CCNE2: variants seen among roughly 807,000 people sequenced by gnomAD.
CCNE2 encodes the protein cyclin E2, also known as G1/S-specific cyclin-E2.
A neutral mutation model predicts 56.8 loss-of-function variants in CCNE2; 18 were observed. The observed-to-expected ratio is 0.32, with a 90% CI of 0.22 to 0.47. The LOEUF (loss-of-function observed/expected upper bound fraction) is 0.47, where lower values mean the gene tolerates loss of function less well. Ranked by LOEUF, CCNE2 falls within the 20% of genes least tolerant of loss-of-function variation. The pLI, the probability that CCNE2 is intolerant of heterozygous loss-of-function variation, is 1.00. For synonymous variants in CCNE2, 139 were observed against 149.2 expected, an observed-to-expected ratio of 0.93 and a Z score of 0.50; for missense variants, 371 against 467.1, an observed-to-expected ratio of 0.79 and a Z score of 1.90.
Position 94,882,126 on chromosome 8 carries a change from A to G in CCNE2, c.1101+6T>C. On this transcript the variant is annotated splice_donor_region_variant and intron_variant, in intron 11 of 11. Coordinates refer to ENST00000308108, the MANE Select transcript of CCNE2 (RefSeq NM_057749.3). Reference sequence around the variant, plus strand: ...GCAAAGCCAAAAAACTCACAAAAAAACATACCAGCATAGCCAAATAGTTTG... The same window carrying G: ...GCAAAGCCAAAAAACTCACAAAAAAGCATACCAGCATAGCCAAATAGTTTG... 1 of 1,591,356 alleles carries G rather than the reference A, an allele frequency of 6.3e-7. No individual in the cohort carries two copies. Among genetic ancestry groups the G allele is most frequent in the East Asian group, 2.2e-5 (1 of 44,592 alleles).
In CCNE2 at chr8:94,881,633, T is replaced by C; in HGVS notation, c.1214A>G (p.Ter405=). The C allele has an allele frequency of 8.1e-6, 13 of 1,612,886 alleles. No individual in the cohort carries two copies. The highest frequency in any genetic ancestry group is 1.0e-5 in the Non-Finnish European group (12 of 1,179,668). ...AACTTGTTTGCTTAGTTATCTTCTTTAGTGTTTTCCTGGTGGTTTTTCAGT... is the reference window on the plus strand; with the variant it reads ...AACTTGTTTGCTTAGTTATCTTCTTCAGTGTTTTCCTGGTGGTTTTTCAGT... ...KSTEKPPGKH[*] is the part of the protein sequence containing the mutation. Residue 405 remains the stop codon, a stop_retained_variant, in exon 12 of 12, where the codon TAA becomes TGA. Coordinates refer to ENST00000308108, the MANE Select transcript of CCNE2 (RefSeq NM_057749.3).
Position 94,882,828 on chromosome 8 carries a change from G to A in CCNE2, c.896C>T (p.Ala299Val). 6.2e-7 allele frequency: 1 copy of A among 1,613,906 alleles called. No homozygotes were observed. Among genetic ancestry groups the A allele is most frequent in the Non-Finnish European group, 8.5e-7 (1 of 1,179,856 alleles). ...AATGGAGGTAAAATGGCACAAGGCA[G>A]CAGCAGTCAGTATTCTGTACTGGAA... ...LEFQYRILTAAALCHFTSIEV... is the reference protein window; with the variant it reads ...LEFQYRILTAVALCHFTSIEV... The change falls in exon 10 of 12, where the codon GCT becomes GTT. Residue 299 changes from alanine to valine, a missense_variant. Coordinates refer to ENST00000308108, the MANE Select transcript of CCNE2 (RefSeq NM_057749.3).
intron 9 of CCNE2, 42 bp from the exon 10 acceptor site, chr8:94,882,934 T>G (rs777259901): frequency 7.8e-7 from 1 of 1,284,080 alleles, no homozygotes; most frequent in Non-Finnish European, 1.1e-6. Flanking sequence ...AGGAGAAAGA[T>G]GAGTACTAAA....
At chr8:94,882,018 C>T in intron 11 of CCNE2, 114 bp downstream of exon 11, 1 of 1,080,570 alleles carries the variant, frequency 9.3e-7, no homozygotes, top group East Asian at 2.4e-5. Context: ...CAGTGTGCCC[C>T]TTAGAACTTT....
Position 94,882,897 on chromosome 8 carries a change from C to T in CCNE2, c.832-5G>A, listed in dbSNP as rs747902951. Reference sequence around the variant, plus strand: ...TAGAATACACAGATCTAAAAGCTAACAGGAAAAACAAAAGTACAAGCAATT... The same window carrying T: ...TAGAATACACAGATCTAAAAGCTAATAGGAAAAACAAAAGTACAAGCAATT... On this transcript the variant is annotated splice_polypyrimidine_tract_variant and splice_region_variant and intron_variant, in intron 9 of 11. Transcript: ENST00000308108. 5 of 1,574,434 alleles carry T rather than the reference C, an allele frequency of 3.2e-6. No individual in the cohort carries two copies. In the Admixed American group the frequency reaches 5.0e-5, roughly 16 times the overall value.
chr8:94,884,933 G>T, intron 9 of CCNE2, 134 bp downstream of exon 9: 1 of 697,430 alleles, frequency 1.4e-6, no homozygotes, highest in Non-Finnish European at 2.3e-6. Context: ...AGAACTTTAT[G>T]CGTCAAAAGT....
intron 5 of CCNE2, among the ~76,000 whole-genome samples, 194 bp from the exon 6 acceptor site, chr8:94,890,744 C>T (rs1425352934): frequency 6.6e-6 from 1 of 151,854 alleles, no homozygotes; most frequent in Admixed American, 6.6e-5. Context: ...CAGGTGCCTG[C>T]CACCAAGCCT....
At position 94,889,638 on chromosome 8, in the gene CCNE2, G is replaced by C. The variant is rs563658521; in HGVS notation, c.453+777C>G. Reference sequence around the variant, plus strand: ...GCTTCTGAGATCTATTCTGCCATGTGTTCCTCCTCCAAAAAGTCTATGGTC... The same window carrying C: ...GCTTCTGAGATCTATTCTGCCATGTCTTCCTCCTCCAAAAAGTCTATGGTC... On this transcript the variant is annotated intron_variant, in intron 6 of 11. Transcript: ENST00000308108. Among the ~76,000 whole-genome samples the C allele has an allele frequency of 7.2e-5, 11 of 152,290 alleles. No individual in the cohort carries two copies. The South Asian group carries it at 2.3e-3, about 32-fold the overall frequency.
upstream of CCNE2, chr8:94,896,382 A>T (rs1296293624): frequency 6.6e-6 from 1 of 151,526 alleles, no homozygotes; most frequent in Non-Finnish European, 1.5e-5. Flanking sequence ...CTCTTCCTTT[A>T]TCCTTCCCCG....
At position 94,880,243 on chromosome 8, in the gene CCNE2, A is replaced by T. The variant is rs752360652; in HGVS notation, c.*1389T>A. On this transcript the variant is annotated 3_prime_UTR_variant, in exon 12 of 12. Transcript: ENST00000308108. Reference sequence around the variant, plus strand: ...CAAAACTTTACTTTTAAGCAGTTAAATTTTTTTAACTTTTATTTTTTAAAC... The same window carrying T: ...CAAAACTTTACTTTTAAGCAGTTAATTTTTTTTAACTTTTATTTTTTAAAC... 70 of 1,504,392 alleles carry T rather than the reference A, an allele frequency of 4.7e-5. No homozygotes were observed. The Middle Eastern group carries it at 6.9e-4, about 15-fold the overall frequency. 93.2% of individuals were successfully genotyped at this position (1,504,392 alleles called of 1,614,324 possible). A position where few individuals can be genotyped will look rare whatever the true frequency, so the allele number is the denominator to read the frequency against.
chr8:94,881,391 C>A lies in CCNE2; in HGVS notation c.*241G>T, dbSNP rs1444252993. 2 of 522,664 alleles carry A rather than the reference C, an allele frequency of 3.8e-6. No individual in the cohort carries two copies. Among genetic ancestry groups the A allele is most frequent in the Admixed American group, 3.6e-5 (1 of 27,798 alleles). 32.4% of individuals were successfully genotyped at this position (522,664 alleles called of 1,614,324 possible). On this transcript the variant is annotated 3_prime_UTR_variant, in exon 12 of 12. Transcript: ENST00000308108. ...ACTGTGGTTGGCTTCTATCCAGTAACCTTGGGAATGAAGACATCTTTGTAA... is the reference window on the plus strand; with the variant it reads ...ACTGTGGTTGGCTTCTATCCAGTAAACTTGGGAATGAAGACATCTTTGTAA...
In CCNE2 at chr8:94,893,892, C is replaced by T. The variant is rs1482389904; in HGVS notation, c.164G>A (p.Arg55Lys). The change falls in exon 4 of 12, where the codon AGG becomes AAG. Residue 55 changes from arginine to lysine, a missense_variant and splice_region_variant. Arg to Lys is a conservative substitution (Grantham distance 26). Transcript: ENST00000308108. ...CCACCCAGCCCAGTTCTGCATTACC[C>T]TAATTTCATACTGATGTTTCTTGGT... The part of the protein sequence containing the change: ...EVTKKHQYEI[R>K]NCWPPVLSGG... 3.1e-6 allele frequency: 5 copies of T among 1,613,926 alleles called. No homozygotes were observed. The highest frequency in any genetic ancestry group is 1.1e-5 in the South Asian group (1 of 91,076).
At chr8:94,896,395 T>G (rs976087028), upstream of CCNE2, 2 of 151,584 alleles carry the variant, frequency 1.3e-5, no homozygotes, top group East Asian at 3.9e-4. Flanking sequence ...CTTCCCCGGG[T>G]GTTTAAACTT....
chr8:94,891,659 C>CAAA (rs34021439), intron 5 of CCNE2: 2,066 of 260,742 alleles, frequency 7.9e-3, no homozygotes, highest in Middle Eastern at 0.013. Context: ...CCTCTGTCTC[C>CAAA]AAAAAAAAAA....
At chr8:94,886,627 G>A (rs530521618) in intron 7 of CCNE2, among the ~76,000 whole-genome samples, 9 of 152,286 alleles carry the variant, frequency 5.9e-5, no homozygotes, top group African/African-American at 7.2e-5. Context: ...CTGTAGCCTC[G>A]GAGGTCGAGG....
At chr8:94,884,869 AAGT>A (rs1816975653) in intron 9 of CCNE2, 195 bp downstream of exon 9, 1 of 460,636 alleles carries the variant, frequency 2.2e-6, no homozygotes, top group Non-Finnish European at 3.8e-6. Flanking sequence ...GTACTCAGAA[AAGT>A]GTAAGGACTT....
chr8:94,885,274 A>G, intron 8 of CCNE2, 73 bp from the exon 9 acceptor site: 1 of 1,403,562 alleles, frequency 7.1e-7, no homozygotes, highest in Admixed American at 1.7e-5. Context: ...CAGAGCTTAG[A>G]GGTTAAGTAC....
intron 7 of CCNE2, among the ~76,000 whole-genome samples, chr8:94,887,458 T>G (rs954536256): frequency 6.6e-6 from 1 of 151,734 alleles, no homozygotes; most frequent in South Asian, 2.1e-4. Flanking sequence ...AGAGCCAAGA[T>G]CGCGCCATTG....
At position 94,881,242 on chromosome 8, in the gene CCNE2, G is replaced by GT; in HGVS notation, c.*389dup. 5.7e-6 allele frequency: 2 copies of GT among 353,526 alleles called. No individual in the cohort carries two copies. Among genetic ancestry groups the GT allele is most frequent in the Non-Finnish European group, 1.0e-5 (2 of 198,904 alleles). 21.9% of individuals were successfully genotyped at this position (353,526 alleles called of 1,614,324 possible). A position where few individuals can be genotyped will look rare whatever the true frequency, so the allele number is the denominator to read the frequency against. On this transcript the variant is annotated 3_prime_UTR_variant, in exon 12 of 12. Coordinates refer to ENST00000308108, the MANE Select transcript of CCNE2 (RefSeq NM_057749.3). ...ATCTAACAACTAGATTCAAAGTACT[G>GT]TATCACTTAGTATACCCTTTAAGGT... is the stretch of plus-strand genomic sequence containing the variant.
Sources: gnomAD v4.1 joint callset for allele counts (sites outside exome capture counted in the v4.1 genomes callset) on GRCh38, gnomAD v4.1.1 for gene constraint, MANE v1.5 for transcripts, NCBI Gene and HGNC (gene_info 2026-07-23, HGNC 2026-07-21) for gene names.